PCDH7: variants seen among roughly 807,000 people sequenced by gnomAD.
The protein encoded by PCDH7 is protocadherin-7.
A neutral mutation model predicts 58.9 loss-of-function variants in PCDH7; 17 were observed. The ratio of observed to expected loss-of-function variants is 0.29; its 90% CI spans 0.20 to 0.43. The LOEUF (loss-of-function observed/expected upper bound fraction) is 0.43. Among genes scored for constraint, PCDH7 ranks in the 20% least tolerant of loss-of-function variants. The pLI is 1.00. For synonymous variants in PCDH7, 664 were observed against 616.4 expected (o/e 1.08, Z -1.14); for missense variants, 1,274 against 1,441.0 (o/e 0.88, Z 1.88).
chr4:30,797,676 A>G (rs1334068484), intron 1 of PCDH7, among the ~76,000 whole-genome samples: 2 of 152,200 alleles, frequency 1.3e-5, no homozygotes, highest in East Asian at 1.9e-4. Context: ...ATCCTGGTGT[A>G]GTTCATATTT....
At chr4:31,124,099 C>G (rs906945931) in intron 3 of PCDH7, among the ~76,000 whole-genome samples, 7 of 152,032 alleles carry the variant, frequency 4.6e-5, no homozygotes, top group Admixed American at 1.3e-4. Flanking sequence ...AGGCAACATT[C>G]GAGCAGGAGA....
intron 3 of PCDH7, among the ~76,000 whole-genome samples, chr4:31,009,810 A>G (rs1396101999): frequency 6.6e-6 from 1 of 151,920 alleles, no homozygotes; most frequent in African/African-American, 2.4e-5. Context: ...TGAGGGTGAT[A>G]AAGATGGAGC....
chr4:30,987,511 A>G (rs940154462), intron 3 of PCDH7: 1 of 152,072 alleles, frequency 6.6e-6, no homozygotes, highest in Non-Finnish European at 1.5e-5. Context: ...ATTATTTTAC[A>G]TAATTTTAAA....
chr4:30,825,056 T>C (rs1007428812), intron 1 of PCDH7, among the ~76,000 whole-genome samples: 1 of 152,150 alleles, frequency 6.6e-6, no homozygotes, highest in African/African-American at 2.4e-5. Flanking sequence ...GTTGTATTCA[T>C]GAGGACAACC....
chr4:31,052,022 A>G (rs965084300), intron 3 of PCDH7, among the ~76,000 whole-genome samples: 22 of 152,140 alleles, frequency 1.4e-4, no homozygotes, highest in African/African-American at 4.8e-4. Flanking sequence ...TTTTGCAAAT[A>G]TCTGAATTAA....
At chr4:30,960,478 A>C (rs1466995995) in intron 3 of PCDH7, among the ~76,000 whole-genome samples, 1 of 152,170 alleles carries the variant, frequency 6.6e-6, no homozygotes. Flanking sequence ...TGGCATAGCC[A>C]TGTTTTTAGA....
chr4:31,048,918 C>A (rs1756512862), intron 3 of PCDH7, among the ~76,000 whole-genome samples: 2 of 152,026 alleles, frequency 1.3e-5, no homozygotes, highest in Admixed American at 6.6e-5. Flanking sequence ...AAAGTATAGT[C>A]AGGACAAAGA....
chr4:30,759,896 C>T (rs962817950), intron 1 of PCDH7, among the ~76,000 whole-genome samples: 3 of 151,994 alleles, frequency 2.0e-5, no homozygotes, highest in African/African-American at 7.3e-5. Context: ...GGCTCAAAAC[C>T]CTAGGGTGAT....
chr4:31,107,369 G>A (rs1251577271), intron 3 of PCDH7, among the ~76,000 whole-genome samples: 3 of 152,110 alleles, frequency 2.0e-5, no homozygotes, highest in Non-Finnish European at 4.4e-5. Flanking sequence ...CCATTAACTG[G>A]CATACAAAAT....
At chr4:30,916,210 G>A (rs1742452492) in intron 1 of PCDH7, among the ~76,000 whole-genome samples, 1 of 152,108 alleles carries the variant, frequency 6.6e-6, no homozygotes, top group South Asian at 2.1e-4. Context: ...CGTTTTCACT[G>A]CCACTACCTT....
chr4:30,836,374 G>T (rs939197746), intron 1 of PCDH7, among the ~76,000 whole-genome samples: 2 of 152,270 alleles, frequency 1.3e-5, no homozygotes, highest in South Asian at 4.1e-4. Context: ...AGGAGGAAGT[G>T]ACCATATGAA....
At chr4:30,872,254 T>C (rs891418190) in intron 1 of PCDH7, among the ~76,000 whole-genome samples, 2 of 152,056 alleles carry the variant, frequency 1.3e-5, no homozygotes, top group Non-Finnish European at 2.9e-5. Context: ...AAGATGTTAT[T>C]TAGGGACAAC....
chr4:30,894,080 G>A (rs1354102095), intron 1 of PCDH7, among the ~76,000 whole-genome samples: 1 of 151,972 alleles, frequency 6.6e-6, no homozygotes, highest in Non-Finnish European at 1.5e-5. Context: ...TATTGCCTGG[G>A]CTATTATATT....
chr4:30,889,793 G>A (rs1738373296), intron 1 of PCDH7, among the ~76,000 whole-genome samples: 1 of 152,070 alleles, frequency 6.6e-6, no homozygotes, highest in Non-Finnish European at 1.5e-5. Flanking sequence ...TCTCCCAATG[G>A]TTCCATCTCT....
chr4:30,917,225 T>C (rs943450558), intron 1 of PCDH7, among the ~76,000 whole-genome samples: 6 of 152,294 alleles, frequency 3.9e-5, no homozygotes, highest in African/African-American at 1.4e-4. Context: ...TCATTTCATC[T>C]AACTCTGTAT....
intron 3 of PCDH7, among the ~76,000 whole-genome samples, chr4:30,964,298 G>A (rs1225046899): frequency 1.3e-5 from 2 of 150,896 alleles, no homozygotes; most frequent in African/African-American, 4.9e-5. Flanking sequence ...CTGGAGTGCA[G>A]TGGCCTGATC....
At chr4:30,958,218 A>G (rs1335191517) in intron 3 of PCDH7, among the ~76,000 whole-genome samples, 1 of 152,044 alleles carries the variant, frequency 6.6e-6, no homozygotes, top group African/African-American at 2.4e-5. Context: ...CAAGAAATTA[A>G]GTGTACTGAA....
At chr4:30,817,669 G>A (rs574618079) in intron 1 of PCDH7, among the ~76,000 whole-genome samples, 25 of 151,880 alleles carry the variant, frequency 1.6e-4, no homozygotes, top group African/African-American at 5.6e-4. Context: ...AGGATATGGT[G>A]GATTTTTTTT....
At chr4:31,136,113 C>T (rs997100679) in intron 3 of PCDH7, among the ~76,000 whole-genome samples, 4 of 152,194 alleles carry the variant, frequency 2.6e-5, no homozygotes, top group African/African-American at 4.8e-5. Context: ...TCTAGATCAC[C>T]TGGCTACTGA....
Sources: allele counts gnomAD v4.1 joint callset (sites outside exome capture counted in the v4.1 genomes callset), GRCh38; gene constraint gnomAD v4.1.1; transcripts MANE v1.5; gene names NCBI Gene and HGNC (gene_info 2026-07-23, HGNC 2026-07-21).